Variants in COG6 observed in about 807,000 individuals in gnomAD.
COG6 encodes the protein conserved oligomeric Golgi complex subunit 6.
Under a neutral mutation model 88.8 loss-of-function variants are expected in COG6, and 74 were observed. The observed-to-expected ratio is 0.83, with a 90% CI of 0.69 to 1.01. The LOEUF is 1.01. COG6 is among the 50% of genes least tolerant of loss of function. COG6 has a pLI of 0.00. For synonymous variants in COG6, 286 were observed against 278.7 expected (o/e 1.03, Z -0.26); for missense variants, 800 against 797.9 (o/e 1.00, Z -0.03).
chr13:39,758,135 A>T (rs1015642567), intron 18 of COG6, among the ~76,000 whole-genome samples: 1 of 148,226 alleles, frequency 6.7e-6, no homozygotes, highest in African/African-American at 2.5e-5. Context: ...CAGGAGAATC[A>T]CTTGAACCTG....
intron 18 of COG6, among the ~76,000 whole-genome samples, chr13:39,768,212 A>G (rs142687565): frequency 5.3e-5 from 8 of 152,200 alleles, no homozygotes; most frequent in Non-Finnish European, 1.2e-4. Context: ...ATGTGCAATT[A>G]TGCACTCTTT....
chr13:39,753,683 C>T (rs1880739810), downstream of COG6, among the ~76,000 whole-genome samples: 1 of 152,004 alleles, frequency 6.6e-6, no homozygotes, highest in Admixed American at 6.6e-5. Flanking sequence ...TGCTCTGGCT[C>T]GCATCTCTCA....
At chr13:39,697,818 T>G (rs1179481366) in intron 12 of COG6, among the ~76,000 whole-genome samples, 1 of 151,998 alleles carries the variant, frequency 6.6e-6, no homozygotes, top group East Asian at 1.9e-4. Context: ...TGGTCAGCTC[T>G]GAATAGTATT....
At chr13:39,767,732 C>G (rs953437098) in intron 18 of COG6, among the ~76,000 whole-genome samples, 1 of 152,178 alleles carries the variant, frequency 6.6e-6, no homozygotes, top group African/African-American at 2.4e-5. Flanking sequence ...CCCCTGCAGT[C>G]ATGTTCCTTT....
At chr13:39,702,442 A>C (rs1040322673) in intron 13 of COG6, among the ~76,000 whole-genome samples, 2 of 152,074 alleles carry the variant, frequency 1.3e-5, no homozygotes, top group African/African-American at 4.8e-5. Flanking sequence ...TATTACATGA[A>C]TATAAGAATG....
chr13:39,711,732 C>T (rs1878249417), intron 13 of COG6, among the ~76,000 whole-genome samples: 1 of 152,142 alleles, frequency 6.6e-6, no homozygotes, highest in African/African-American at 2.4e-5. Context: ...ACAAAATACT[C>T]ATTTTGAAGA....
intron 4 of COG6, among the ~76,000 whole-genome samples, chr13:39,676,497 C>T (rs118151364): frequency 0.013 from 1,992 of 152,180 alleles, 20 homozygotes; most frequent in Non-Finnish European, 0.019. Context: ...CAGATCTTTG[C>T]TGCCACCTGG....
intron 4 of COG6, among the ~76,000 whole-genome samples, chr13:39,670,531 A>G (rs1485327254): frequency 6.6e-6 from 1 of 152,054 alleles, no homozygotes; most frequent in Non-Finnish European, 1.5e-5. Context: ...CCTTAACCTA[A>G]GTTTCTATGT....
intron 15 of COG6, among the ~76,000 whole-genome samples, chr13:39,722,758 T>G (rs1182458012): frequency 6.6e-6 from 1 of 152,068 alleles, no homozygotes; most frequent in Non-Finnish European, 1.5e-5. Flanking sequence ...GAGCCCATAC[T>G]ACTCACATCT....
chr13:39,687,458 C>G, intron 8 of COG6, 45 bp from the exon 9 acceptor site: 1 of 1,584,286 alleles, frequency 6.3e-7, no homozygotes, highest in East Asian at 2.2e-5. Context: ...GATATAGCCA[C>G]TAGAAACAAC....
intron 18 of COG6, among the ~76,000 whole-genome samples, chr13:39,746,982 CTT>C (rs1301917175): frequency 2.0e-5 from 3 of 151,984 alleles, no homozygotes; most frequent in Non-Finnish European, 4.4e-5. Context: ...TTAAAATACT[CTT>C]AACTCTCAGT....
chr13:39,706,293 A>C (rs1877922610), intron 13 of COG6, among the ~76,000 whole-genome samples: 1 of 142,960 alleles, frequency 7.0e-6, no homozygotes, highest in Non-Finnish European at 1.5e-5. Flanking sequence ...ATATATATAG[A>C]GAGAGAATGA....
At chr13:39,754,349 A>G (rs1880763610), downstream of COG6, among the ~76,000 whole-genome samples, 3 of 152,310 alleles carry the variant, frequency 2.0e-5, no homozygotes, top group East Asian at 1.9e-4. Context: ...TTTCAAGTAC[A>G]TAATGTTGAG....
chr13:39,757,040 C>T (rs1326129690), downstream of COG6, among the ~76,000 whole-genome samples: 1 of 152,118 alleles, frequency 6.6e-6, no homozygotes, highest in African/African-American at 2.4e-5. Context: ...ATACACATTC[C>T]TCTCAAATAC....
At chr13:39,698,179 TA>T (rs56158896) in intron 12 of COG6, among the ~76,000 whole-genome samples, 35,339 of 148,684 alleles carry the variant, frequency 0.24, 4,330 homozygotes, top group Non-Finnish European at 0.28. Flanking sequence ...AACTCCATAT[TA>T]AAAAAAAAAA....
chr13:39,669,002 G>A (rs781668498), intron 4 of COG6, among the ~76,000 whole-genome samples: 40 of 123,456 alleles, frequency 3.2e-4, no homozygotes, highest in Non-Finnish European at 6.5e-4. Context: ...ATTCCTGAAT[G>A]CGCCACCATA....
Position 39,752,503 on chromosome 13 carries a change from A to T in COG6, c.*1410A>T. The T allele has an allele frequency of 8.6e-7, 1 of 1,157,530 alleles. No homozygotes were observed. The highest frequency in any genetic ancestry group is 1.1e-6 in the Non-Finnish European group (1 of 887,250). The allele number at this position is 1,157,530 out of a possible 1,614,324, so 71.7% of individuals were successfully genotyped here. ...AATAAAGTATAAATCAAGAGCTTAA[A>T]TTGTATATAATTTATTTCTACAGAG... is the stretch of plus-strand genomic sequence containing the variant. On this transcript the variant is annotated 3_prime_UTR_variant, in exon 19 of 19. Coordinates refer to ENST00000455146, the MANE Select transcript of COG6 (RefSeq NM_020751.3).
intron 18 of COG6, among the ~76,000 whole-genome samples, chr13:39,737,296 AAG>A (rs1879814721): frequency 6.6e-6 from 1 of 152,094 alleles, no homozygotes; most frequent in Non-Finnish European, 1.5e-5. Context: ...GGTCTTGCCC[AAG>A]GCCCACAGGG....
chr13:39,714,138 A>G (rs1878394171), intron 13 of COG6, among the ~76,000 whole-genome samples: 1 of 152,146 alleles, frequency 6.6e-6, no homozygotes, highest in Non-Finnish European at 1.5e-5. Context: ...TTTCCTTTCA[A>G]CTTTCTCCCA....
Sources: allele counts gnomAD v4.1 joint callset (sites outside exome capture counted in the v4.1 genomes callset), GRCh38; gene constraint gnomAD v4.1.1; transcripts MANE v1.5; gene names NCBI Gene and HGNC (gene_info 2026-07-23, HGNC 2026-07-21).